Variants in WDR5 observed in about 807,000 individuals in gnomAD.
WDR5 encodes the protein WD repeat-containing protein 5.
For synonymous variants in WDR5, 144 were observed against 161.6 expected (o/e 0.89, Z 0.83); for missense variants, 187 against 416.9 (o/e 0.45, Z 4.80).
chr9:134,144,700 C>T (rs960656096), intron 7 of WDR5, among the ~76,000 whole-genome samples: 9 of 151,880 alleles, frequency 5.9e-5, no homozygotes, highest in Non-Finnish European at 8.8e-5. Context: ...ATTAGCCGGG[C>T]GTAGTGATGC....
intron 9 of WDR5, among the ~76,000 whole-genome samples, chr9:134,153,601 C>T (rs1344706807): frequency 2.0e-5 from 3 of 152,234 alleles, no homozygotes; most frequent in African/African-American, 7.2e-5. Context: ...ACAGCGTCTC[C>T]CGTGCCTTTT....
chr9:134,157,867 G>A lies in WDR5; in HGVS notation c.905-26G>A, dbSNP rs754959981. The A allele has an allele frequency of 6.2e-7, 1 of 1,611,924 alleles. No individual in the cohort carries two copies. ...CCGACCCAGGCGCAGGGATGGCTCTGGTTCTGACTGTGTCTTTGTTTTCAG... is the reference window on the plus strand; with the variant it reads ...CCGACCCAGGCGCAGGGATGGCTCTAGTTCTGACTGTGTCTTTGTTTTCAG... On this transcript the variant is annotated intron_variant, in intron 13 of 13. Transcript: ENST00000358625. This position sits in a 1 kb window ranked among gnomAD's most constrained non-coding sequence, Gnocchi z 5.0.
At chr9:134,148,208 TTTTGA>T in intron 7 of WDR5, 75 bp from the exon 8 acceptor site, 1 of 529,324 alleles carries the variant, frequency 1.9e-6, no homozygotes, top group Non-Finnish European at 3.0e-6. Context: ...TTTTTTTTTT[TTTTGA>T]GATCAGGTAA....
Position 134,158,065 on chromosome 9 carries a change from A to T in WDR5, c.*72A>T. ...ATTGGCAAGAAACAGGGTGTCTTGGAGGTGGTCCCCCAGATCTGCGCCTGG... is the reference window on the plus strand; with the variant it reads ...ATTGGCAAGAAACAGGGTGTCTTGGTGGTGGTCCCCCAGATCTGCGCCTGG... On this transcript the variant is annotated 3_prime_UTR_variant, in exon 14 of 14. Coordinates refer to ENST00000358625, the MANE Select transcript of WDR5 (RefSeq NM_017588.3). 7.1e-7 allele frequency: 1 copy of T among 1,417,948 alleles called. No homozygotes were observed. Among genetic ancestry groups the T allele is most frequent in the South Asian group, 1.2e-5 (1 of 86,112 alleles). 87.8% of individuals were successfully genotyped at this position (1,417,948 alleles called of 1,614,324 possible). A position where few individuals can be genotyped will look rare whatever the true frequency, so the allele number is the denominator to read the frequency against.
chr9:134,148,182 C>CA (rs1832304203), intron 7 of WDR5, 106 bp from the exon 8 acceptor site: 1 of 833,226 alleles, frequency 1.2e-6, no homozygotes, highest in African/African-American at 1.9e-5. Flanking sequence ...AAACATAACT[C>CA]AGTCTTTTTT....
intron 12 of WDR5, 23 bp downstream of exon 12, chr9:134,155,790 G>A (rs191950510): frequency 2.5e-4 from 410 of 1,609,710 alleles, no homozygotes; most frequent in Non-Finnish European, 3.3e-4. Flanking sequence ...ACCTTGAAGC[G>A]TCTCACCTGT....
Position 134,156,736 on chromosome 9 carries a change from C to T in WDR5, c.904+143C>T, listed in dbSNP as rs186823529. 2.3e-4 allele frequency: 174 copies of T among 755,902 alleles called. No homozygotes were observed. The East Asian group carries it at 3.3e-3, about 14-fold the overall frequency. 46.8% of individuals were successfully genotyped at this position (755,902 alleles called of 1,614,324 possible). On this transcript the variant is annotated intron_variant, in intron 13 of 13. Transcript: ENST00000358625. ...CGCTGGCCCCGCTGAGGAACCGCTG[C>T]TAAGAGCTCTTGCCCAAGGCATGGA...
At position 134,155,777 on chromosome 9, in the gene WDR5, A is replaced by G; in HGVS notation, c.816+10A>G. 6.2e-7 allele frequency: 1 copy of G among 1,613,442 alleles called. No homozygotes were observed. The highest frequency in any genetic ancestry group is 8.5e-7 in the Non-Finnish European group (1 of 1,179,500). ...TGTTACTGGTGGGAAGGTGAGTCTC[A>G]TAACCTTGAAGCGTCTCACCTGTTC... On this transcript the variant is annotated intron_variant, in intron 12 of 13. Coordinates refer to ENST00000358625, the MANE Select transcript of WDR5 (RefSeq NM_017588.3).
chr9:134,157,799 C>A lies in WDR5; in HGVS notation c.905-94C>A. On this transcript the variant is annotated intron_variant, in intron 13 of 13. Coordinates refer to ENST00000358625, the MANE Select transcript of WDR5 (RefSeq NM_017588.3). The surrounding 1 kb of genome is among the most constrained non-coding windows in gnomAD (Gnocchi z 5.0). ...TCCCAGGTGGCGGGCAGGCGCTACC[C>A]GCGTTTCTGGAGAAAGGTGGAGCTC... The A allele has an allele frequency of 8.0e-7, 1 of 1,247,224 alleles. No individual in the cohort carries two copies. Among genetic ancestry groups the A allele is most frequent in the Non-Finnish European group, 1.2e-6 (1 of 866,218 alleles). The allele number at this position is 1,247,224 out of a possible 1,614,324, so 77.3% of individuals were successfully genotyped here.
chr9:134,154,367 C>A, intron 9 of WDR5, 99 bp from the exon 10 acceptor site: 1 of 1,268,648 alleles, frequency 7.9e-7, no homozygotes, highest in Non-Finnish European at 1.1e-6. Context: ...GCCGACCTCA[C>A]TCAGATGTCG....
At chr9:134,155,225 G>T in intron 10 of WDR5, 115 bp from the exon 11 acceptor site, 3 of 1,279,826 alleles carry the variant, frequency 2.3e-6, no homozygotes, top group African/African-American at 1.5e-5. Context: ...TTCCAGCCCC[G>T]CTGGCTTTTG....
chr9:134,136,445 C>T lies in WDR5; in HGVS notation c.-59+245C>T, dbSNP rs980913600. Reference sequence around the variant, plus strand: ...CACTCGCGCCCCCACCTCCGCCTCCCCGGCGGACCGCTGACAAGGCCAGAG... The same window carrying T: ...CACTCGCGCCCCCACCTCCGCCTCCTCGGCGGACCGCTGACAAGGCCAGAG... On this transcript the variant is annotated intron_variant, in intron 1 of 13. Coordinates refer to ENST00000358625, the MANE Select transcript of WDR5 (RefSeq NM_017588.3). 3.9e-5 allele frequency among the ~76,000 whole-genome samples: 6 copies of T among 151,966 alleles called. No homozygotes were observed. In the East Asian group the frequency reaches 7.8e-4, roughly 20 times the overall value.
At chr9:134,141,692 C>A (rs1015635331) in intron 4 of WDR5, 109 bp downstream of exon 4, 2 of 1,227,100 alleles carry the variant, frequency 1.6e-6, no homozygotes, top group Admixed American at 2.4e-5. Flanking sequence ...AAGTTTTCCC[C>A]GTTTTTTAAT....
At chr9:134,152,184 C>G (rs567067555) in intron 9 of WDR5, among the ~76,000 whole-genome samples, 155 bp downstream of exon 9, 1 of 152,250 alleles carries the variant, frequency 6.6e-6, no homozygotes, top group Non-Finnish European at 1.5e-5. Context: ...TCCGCCAGCT[C>G]CCCCTGACCG....
chr9:134,142,218 A>C (rs112207014), intron 5 of WDR5, 115 bp from the exon 6 acceptor site: 3 of 1,254,718 alleles, frequency 2.4e-6, no homozygotes, highest in Middle Eastern at 2.7e-4. Flanking sequence ...GGGAACAGCA[A>C]GTCACTGGCG....
In WDR5 at chr9:134,158,271, T is replaced by C. The variant is rs1319547229; in HGVS notation, c.*278T>C. On this transcript the variant is annotated 3_prime_UTR_variant, in exon 14 of 14. Coordinates refer to ENST00000358625, the MANE Select transcript of WDR5 (RefSeq NM_017588.3). ...CAGAGTCAACAAAAGTTTTTAATTT[T>C]TTATTACAGAAGGGTGAAGTTCAAT... The C allele has an allele frequency of 3.5e-6, 1 of 284,302 alleles. No individual in the cohort carries two copies. The highest frequency in any genetic ancestry group is 6.6e-6 in the Non-Finnish European group (1 of 152,030). 17.6% of individuals were successfully genotyped at this position (284,302 alleles called of 1,614,324 possible). A position where few individuals can be genotyped will look rare whatever the true frequency, so the allele number is the denominator to read the frequency against.
At chr9:134,154,872 G>C (rs1832678243) in intron 10 of WDR5, among the ~76,000 whole-genome samples, 1 of 152,240 alleles carries the variant, frequency 6.6e-6, no homozygotes, top group Admixed American at 6.5e-5. Context: ...TGACCTCTGA[G>C]CATCTTGATT....
chr9:134,140,930 G>A, intron 3 of WDR5, 119 bp downstream of exon 3: 1 of 918,678 alleles, frequency 1.1e-6, no homozygotes, highest in South Asian at 1.4e-5. Context: ...AGGCCGCTGG[G>A]GGGCACGTAG....
At chr9:134,137,341 G>A (rs895253423) in intron 1 of WDR5, among the ~76,000 whole-genome samples, 1 of 152,118 alleles carries the variant, frequency 6.6e-6, no homozygotes, top group Non-Finnish European at 1.5e-5. Context: ...CAACCTTCCT[G>A]TTCTCTCAAA....
Sources: gnomAD v4.1 joint callset for allele counts (sites outside exome capture counted in the v4.1 genomes callset) on GRCh38, gnomAD v4.1.1 for gene constraint, Gnocchi (gnomAD v3.1) non-coding constraint, MANE v1.5 for transcripts, NCBI Gene and HGNC (gene_info 2026-07-23, HGNC 2026-07-21) for gene names.